Variants in DCAF8L2 observed in about 807,000 individuals in gnomAD.
DCAF8L2 encodes DDB1 and CUL4 associated factor 8 like 2.
For synonymous variants in DCAF8L2, 200 were observed against 190.9 expected, an observed-to-expected ratio of 1.05 and a Z score of -0.39; for missense variants, 430 against 490.7, an observed-to-expected ratio of 0.88 and a Z score of 1.17.
intron 3 of DCAF8L2, among the ~76,000 whole-genome samples, chrX:27,703,066 A>G (rs1256607086): frequency 9.0e-6 from 1 of 111,528 alleles, no homozygotes; most frequent in Non-Finnish European, 1.9e-5. Context: ...ACAATCTGAA[A>G]ATGTAATTAA....
intron 3 of DCAF8L2, among the ~76,000 whole-genome samples, chrX:27,703,928 A>T (rs1308032758): frequency 4.6e-5 from 5 of 109,037 alleles, no homozygotes; most frequent in Non-Finnish European, 5.7e-5. Flanking sequence ...GCACCCAAAG[A>T]TCACCATAAA....
intron 2 of DCAF8L2, among the ~76,000 whole-genome samples, chrX:27,648,270 T>C (rs1252252624): frequency 5.4e-5 from 6 of 110,995 alleles, no homozygotes; most frequent in Non-Finnish European, 1.1e-4. Context: ...TTCCAAACAT[T>C]ATTATCACAT....
At chrX:27,557,074 G>T in the DCAF8L2 span, among the ~76,000 whole-genome samples, 1 of 112,504 alleles carries the variant, frequency 8.9e-6, no homozygotes, top group Non-Finnish European at 1.9e-5. Flanking sequence ...AAACTGAAAT[G>T]TAATTTGTTC....
At chrX:27,695,418 G>C (rs1930857874) in intron 3 of DCAF8L2, among the ~76,000 whole-genome samples, 2 of 111,934 alleles carry the variant, frequency 1.8e-5, no homozygotes, top group African/African-American at 3.2e-5. Flanking sequence ...TATTGGAATG[G>C]GCTGCAGAAT....
the DCAF8L2 span, among the ~76,000 whole-genome samples, chrX:27,501,401 C>T: frequency 1.8e-5 from 2 of 110,285 alleles, no homozygotes; most frequent in South Asian, 7.8e-4. Context: ...AGCTCAAATT[C>T]GACATGATTA....
intron 2 of DCAF8L2, among the ~76,000 whole-genome samples, chrX:27,655,480 T>G (rs923793776): frequency 3.6e-5 from 4 of 112,286 alleles, no homozygotes; most frequent in African/African-American, 1.3e-4. Context: ...AGACTGGCAC[T>G]GATGCTGCCT....
intron 3 of DCAF8L2, among the ~76,000 whole-genome samples, chrX:27,703,026 A>C (rs2147270273): frequency 8.9e-6 from 1 of 111,810 alleles, no homozygotes; most frequent in African/African-American, 3.2e-5. Context: ...ATACACAAAT[A>C]TCAATTGTAT....
At chrX:27,472,728 C>A in the DCAF8L2 span, among the ~76,000 whole-genome samples, 6 of 111,839 alleles carry the variant, frequency 5.4e-5, no homozygotes, top group East Asian at 1.7e-3. Context: ...GATCTCATTC[C>A]TTTTTATGAC....
At chrX:27,637,104 A>G (rs1032473393) in intron 2 of DCAF8L2, among the ~76,000 whole-genome samples, 3 of 112,237 alleles carry the variant, frequency 2.7e-5, no homozygotes, top group African/African-American at 9.7e-5. Context: ...ACATCTGTAC[A>G]TTCTCAAAGT....
At chrX:27,502,336 ATATATATATATAT>A in the DCAF8L2 span, among the ~76,000 whole-genome samples, 11 of 10,900 alleles carry the variant, frequency 1.0e-3, no homozygotes, top group East Asian at 0.018. Context: ...AAAAAAAAAA[ATATATATATATAT>A]ATATATATAT....
At chrX:27,506,427 G>A in the DCAF8L2 span, among the ~76,000 whole-genome samples, 1 of 111,436 alleles carries the variant, frequency 9.0e-6, no homozygotes, top group Non-Finnish European at 1.9e-5. Flanking sequence ...CACAAACTTG[G>A]TGACTTAAAA....
the DCAF8L2 span, among the ~76,000 whole-genome samples, chrX:27,573,751 T>C: frequency 6.3e-5 from 7 of 111,617 alleles, no homozygotes; most frequent in African/African-American, 2.3e-4. Context: ...AGCGCTAAGA[T>C]ATTCTTAGCC....
At chrX:27,567,971 A>AT in the DCAF8L2 span, among the ~76,000 whole-genome samples, 3 of 110,126 alleles carry the variant, frequency 2.7e-5, no homozygotes, top group Admixed American at 1.9e-4. Context: ...TATGTAAATT[A>AT]TTTTTTTTTA....
the DCAF8L2 span, among the ~76,000 whole-genome samples, chrX:27,542,704 G>A: frequency 4.7e-5 from 5 of 106,651 alleles, no homozygotes; most frequent in Non-Finnish European, 7.7e-5. Flanking sequence ...CACTACGCCC[G>A]GCTAATTTTT....
At chrX:27,611,657 T>C (rs1258764579) in intron 1 of DCAF8L2, among the ~76,000 whole-genome samples, 1 of 108,645 alleles carries the variant, frequency 9.2e-6, no homozygotes, top group East Asian at 3.0e-4. Context: ...AGTGTTCTCA[T>C]TGTTCAATTC....
rs188865334 is a variant in DCAF8L2, at chrX:27,663,563, T to C, written c.-219-14273T>C. Among the ~76,000 whole-genome samples the C allele has an allele frequency of 2.5e-3, 276 of 111,671 alleles. 1 individual carries two copies. Among genetic ancestry groups the C allele is most frequent in the African/African-American group, 8.4e-3 (258 of 30,743 alleles). ...CAACAATATAAGACACCAAACTTAATAGATAAATGTTGTGTGTGTTCTGAC... is the reference window on the plus strand; with the variant it reads ...CAACAATATAAGACACCAAACTTAACAGATAAATGTTGTGTGTGTTCTGAC... On this transcript the variant is annotated intron_variant, in intron 2 of 4. Coordinates refer to ENST00000451261, the MANE Select transcript of DCAF8L2 (RefSeq NM_001353450.2).
At chrX:27,627,754 C>T (rs1178180060) in intron 1 of DCAF8L2, among the ~76,000 whole-genome samples, 1 of 108,331 alleles carries the variant, frequency 9.2e-6, no homozygotes, top group African/African-American at 3.4e-5. Context: ...ATTAGCTGGG[C>T]GTGGTGGTGC....
chrX:27,581,612 G>C, the DCAF8L2 span, among the ~76,000 whole-genome samples: 3 of 101,539 alleles, frequency 3.0e-5, no homozygotes, highest in African/African-American at 1.1e-4. Flanking sequence ...TTTTGAGACA[G>C]GGTCTTTGTC....
the DCAF8L2 span, among the ~76,000 whole-genome samples, chrX:27,548,215 T>C: frequency 1.8e-5 from 2 of 110,726 alleles, no homozygotes; most frequent in Non-Finnish European, 3.8e-5. Flanking sequence ...CCGGAAGTCA[T>C]TCCAAAGAGA....
Sources: allele counts gnomAD v4.1 joint callset (sites outside exome capture counted in the v4.1 genomes callset), GRCh38; gene constraint gnomAD v4.1.1; transcripts MANE v1.5; gene names NCBI Gene and HGNC (gene_info 2026-07-23, HGNC 2026-07-21).